Variants in CLIC5 observed in about 807,000 individuals in gnomAD.
The protein encoded by CLIC5 is chloride intracellular channel protein 5.
CLIC5 carries 20 observed loss-of-function variants against 24.7 expected under a neutral mutation model. The ratio of observed to expected loss-of-function variants is 0.81; its 90% confidence interval spans 0.57 to 1.18. CLIC5 has a LOEUF of 1.18. Among genes scored for constraint, CLIC5 ranks in the 50% most tolerant of loss-of-function variants. The pLI, the probability that CLIC5 is intolerant of heterozygous loss-of-function variation, is 0.00. For missense variants in CLIC5, 341 were observed against 326.1 expected (o/e 1.05, Z -0.35); for synonymous variants, 159 against 135.6 (o/e 1.17, Z -1.20).
At chr6:45,927,553 C>G (rs926148421) in intron 4 of CLIC5, among the ~76,000 whole-genome samples, 1 of 152,176 alleles carries the variant, frequency 6.6e-6, no homozygotes, top group African/African-American at 2.4e-5. Flanking sequence ...TATCTTGCCT[C>G]CCCCCTTCTA....
intron 1 of CLIC5, among the ~76,000 whole-genome samples, chr6:46,067,397 C>T (rs1762472290): frequency 1.3e-5 from 2 of 152,124 alleles, no homozygotes; most frequent in African/African-American, 2.4e-5. Flanking sequence ...CACATCCTGG[C>T]CAGCTGATAT....
At chr6:45,918,675 G>A (rs749723017) in intron 4 of CLIC5, among the ~76,000 whole-genome samples, 4 of 152,210 alleles carry the variant, frequency 2.6e-5, no homozygotes, top group Non-Finnish European at 4.4e-5. Context: ...AGATTGGATG[G>A]GTGTCTGTTC....
chr6:45,952,499 A>G (rs1764506044), intron 2 of CLIC5, among the ~76,000 whole-genome samples: 1 of 152,200 alleles, frequency 6.6e-6, no homozygotes, highest in African/African-American at 2.4e-5. Flanking sequence ...CAATAATCCT[A>G]TTGATTAAGA....
intron 4 of CLIC5, chr6:45,920,754 C>A: frequency 3.1e-6 from 2 of 653,756 alleles, no homozygotes; most frequent in South Asian, 1.4e-4. Context: ...CAGGAGCAAG[C>A]GGGATGTAGG....
chr6:45,886,682 A>G (rs749497753), intron 6 of CLIC5, among the ~76,000 whole-genome samples: 5 of 152,154 alleles, frequency 3.3e-5, no homozygotes, highest in Non-Finnish European at 7.4e-5. Context: ...CTTCAGACAA[A>G]TGGTTTTGAA....
intron 1 of CLIC5, among the ~76,000 whole-genome samples, chr6:46,066,216 C>T (rs1325870114): frequency 6.6e-6 from 1 of 152,120 alleles, no homozygotes; most frequent in Non-Finnish European, 1.5e-5. Context: ...GGGCAGGGGG[C>T]AATGTCAGCT....
At chr6:46,108,333 AAG>A in the CLIC5 span, among the ~76,000 whole-genome samples, 61 of 150,020 alleles carry the variant, frequency 4.1e-4, no homozygotes, top group South Asian at 4.2e-4. Flanking sequence ...AAAAAAAGGG[AAG>A]AGAGAGATTT....
chr6:46,032,314 A>G (rs960648299), intron 1 of CLIC5, among the ~76,000 whole-genome samples: 1 of 152,186 alleles, frequency 6.6e-6, no homozygotes, highest in African/African-American at 2.4e-5. Flanking sequence ...CCATGATCCA[A>G]TCACCTCTGA....
rs559273756 is a variant in CLIC5, at chr6:45,893,163, C to T, written c.624-11975G>A. ...CTTTTTCACATTCATCACCTTTCTC[C>T]TAGTTTTTGTTTTCATGTTGTATGG... On this transcript the variant is annotated intron_variant, in intron 6 of 6. Coordinates refer to the CLIC5 transcript ENST00000644324. Among the ~76,000 whole-genome samples the T allele has an allele frequency of 2.0e-5, 3 of 150,658 alleles. No individual in the cohort carries two copies. In the East Asian group the frequency reaches 5.8e-4, roughly 29 times the overall value.
At chr6:45,937,371 C>G (rs1384412622) in intron 4 of CLIC5, 2 of 152,196 alleles carry the variant, frequency 1.3e-5, no homozygotes, top group Non-Finnish European at 2.9e-5. Flanking sequence ...ATAGATGAAC[C>G]TGCATTACAA....
At chr6:45,903,394 T>C in intron 5 of CLIC5, 139 bp from the exon 6 acceptor site, 3 of 599,364 alleles carry the variant, frequency 5.0e-6, no homozygotes, top group Non-Finnish European at 8.0e-6. Flanking sequence ...ATGTTTGAAA[T>C]GCAAGGTGGC....
At chr6:46,000,146 CTG>C (rs1269266795) in intron 1 of CLIC5, among the ~76,000 whole-genome samples, 1 of 152,104 alleles carries the variant, frequency 6.6e-6, no homozygotes, top group Admixed American at 6.5e-5. Context: ...TGTGTGTTGA[CTG>C]TTATGTTATC....
chr6:46,004,534 G>A (rs1022715240), intron 1 of CLIC5, among the ~76,000 whole-genome samples: 2 of 152,160 alleles, frequency 1.3e-5, no homozygotes, highest in African/African-American at 2.4e-5. Flanking sequence ...AGTCCAAGTG[G>A]GGGAGACCAC....
intron 1 of CLIC5, among the ~76,000 whole-genome samples, chr6:45,974,129 C>T (rs896768878): frequency 4.0e-5 from 6 of 151,820 alleles, no homozygotes; most frequent in African/African-American, 1.5e-4. Context: ...TGCATGTGTT[C>T]GTATTGTACG....
intron 1 of CLIC5, among the ~76,000 whole-genome samples, chr6:45,967,807 G>A (rs1581802495): frequency 6.6e-6 from 1 of 151,964 alleles, no homozygotes; most frequent in Admixed American, 6.6e-5. Flanking sequence ...GAGAGAGAGA[G>A]GAACCAGGAT....
At chr6:45,917,936 T>C (rs3777543) in intron 4 of CLIC5, among the ~76,000 whole-genome samples, 107,895 of 152,174 alleles carry the variant, frequency 0.71, 38,334 homozygotes, top group Admixed American at 0.72. Flanking sequence ...CTCTGAGTAG[T>C]TAGATGGGGG....
chr6:46,080,028 G>A (rs1762882817), exon 1 of CLIC5: 5 of 1,551,566 alleles, frequency 3.2e-6, no homozygotes, highest in South Asian at 1.2e-5. Flanking sequence ...CTGGACAGAG[G>A]CCAAGCTGGT....
intron 6 of CLIC5, among the ~76,000 whole-genome samples, chr6:45,888,815 T>G (rs1762326444): frequency 6.6e-6 from 1 of 152,204 alleles, no homozygotes; most frequent in Non-Finnish European, 1.5e-5. Context: ...AATTATTATA[T>G]ATTTGCTAGC....
chr6:45,992,564 T>C (rs1289884619), intron 1 of CLIC5, among the ~76,000 whole-genome samples: 1 of 152,192 alleles, frequency 6.6e-6, no homozygotes, highest in Non-Finnish European at 1.5e-5. Flanking sequence ...ACATAGCGTG[T>C]GTTTATGCCT....
Sources: gnomAD v4.1 joint callset for allele counts (sites outside exome capture counted in the v4.1 genomes callset) on GRCh38, gnomAD v4.1.1 for gene constraint, MANE v1.5 for transcripts, NCBI Gene and HGNC (gene_info 2026-07-23, HGNC 2026-07-21) for gene names.